The following TBC1D24 variants were observed in gnomAD, a reference collection of about 807,000 sequenced individuals.
TBC1D24 encodes Infantile myoclonic epilepsy.
A neutral mutation model predicts 50.7 loss-of-function variants in TBC1D24; 47 were observed. The ratio of observed to expected loss-of-function variants is 0.93; its 90% CI spans 0.73 to 1.18. TBC1D24 has a LOEUF of 1.18. Ranked by LOEUF, TBC1D24 falls within the 50% of genes most tolerant of loss-of-function variation. TBC1D24 has a pLI of 0.00. For missense variants in TBC1D24, 688 were observed against 766.5 expected (o/e 0.90, Z 1.21); for synonymous variants, 324 against 335.2 (o/e 0.97, Z 0.36).
rs181260264 is a variant in TBC1D24 at position 2,491,117 on chromosome 16, A to T, written c.-115-4917A>T. ...CATCTCAGTTGCCAGTTTAAAGAAA[A>T]CCTCACTCAGTTGTGAATGCAAGAA... On this transcript the variant is annotated intron_variant, in intron 1 of 7. Coordinates refer to ENST00000646147, the MANE Select transcript of TBC1D24 (RefSeq NM_001199107.2). 7.0e-3 allele frequency among the ~76,000 whole-genome samples: 1,064 copies of T among 152,130 alleles called. 8 individuals are homozygous for T. Among genetic ancestry groups the T allele is most frequent in the Non-Finnish European group, 0.011 (734 of 67,990 alleles).
chr16:2,487,859 C>T lies in TBC1D24; in HGVS notation c.-115-8175C>T, dbSNP rs1300532031. 6.6e-6 allele frequency among the ~76,000 whole-genome samples: 1 copy of T among 151,914 alleles called. No individual in the cohort carries two copies. Among genetic ancestry groups the T allele is most frequent in the Non-Finnish European group, 1.5e-5 (1 of 67,990 alleles). On this transcript the variant is annotated intron_variant, in intron 1 of 7. Transcript: ENST00000646147. This position sits in a 1 kb window ranked among gnomAD's most constrained non-coding sequence, Gnocchi z 4.1. The stretch of plus-strand genomic sequence containing the variant: ...GACCTGCGTGGGTCCTGCCTGTGCT[C>T]AGGGACCCTCTGGAGCCTCTCTCGG...
rs1397214564 is a variant in TBC1D24 at position 2,486,054 on chromosome 16, G to A, written c.-115-9980G>A. Among the ~76,000 whole-genome samples, 2 of 152,186 alleles carry A rather than the reference G, an allele frequency of 1.3e-5. No individual in the cohort carries two copies. Among genetic ancestry groups the A allele is most frequent in the Non-Finnish European group, 2.9e-5 (2 of 68,024 alleles). On this transcript the variant is annotated intron_variant, in intron 1 of 7. Coordinates refer to ENST00000646147, the MANE Select transcript of TBC1D24 (RefSeq NM_001199107.2). This position sits in a 1 kb window ranked among gnomAD's most constrained non-coding sequence, Gnocchi z 5.8. ...CTGCCCTCCCCTGCCTGGCGGGTGG[G>A]GTCGGTGCTCAGGAGCGGGTGGGGC... is the stretch of plus-strand genomic sequence containing the variant.
In TBC1D24 at chr16:2,495,214, C is replaced by T. The variant is rs151295674; in HGVS notation, c.-115-820C>T. On this transcript the variant is annotated intron_variant, in intron 1 of 7. Transcript: ENST00000646147. ...CTAAAAAGAGAAAAAATTAGCTGGG[C>T]GTGGTGGCGCCTAACTGTAGTCTCA... Among the ~76,000 whole-genome samples the T allele has an allele frequency of 8.7e-3, 1,326 of 152,070 alleles. 12 individuals carry two copies. The highest frequency in any genetic ancestry group is 0.024 in the African/African-American group (995 of 41,462).
At position 2,501,148 on chromosome 16, in the gene TBC1D24, C is replaced by T. The variant is rs1439146653; in HGVS notation, c.*190C>T. ...ACCTGGGGTTTGGGCTGGGCTTCCC[C>T]AGTCCACCTGCATCTGGGTCAGAGC... On this transcript the variant is annotated 3_prime_UTR_variant, in exon 8 of 8. Coordinates refer to ENST00000646147, the MANE Select transcript of TBC1D24 (RefSeq NM_001199107.2). The T allele has an allele frequency of 2.9e-6, 2 of 692,788 alleles. No homozygotes were observed. Among genetic ancestry groups the T allele is most frequent in the African/African-American group, 3.6e-5 (2 of 55,668 alleles). The allele number at this position is 692,788 out of a possible 1,614,324, so 42.9% of individuals were successfully genotyped here. A position where few individuals can be genotyped will look rare whatever the true frequency, so the allele number is the denominator to read the frequency against.
chr16:2,485,461 G>A lies in TBC1D24; in HGVS notation c.-116+10291G>A, dbSNP rs932199781. On this transcript the variant is annotated intron_variant, in intron 1 of 7. Transcript: ENST00000646147. This position sits in a 1 kb window ranked among gnomAD's most constrained non-coding sequence, Gnocchi z 4.6. ...TCCCTCTCCCGTACCTCACCCTAAA[G>A]GTCTCTTCATCTGTGTCCTTTGTAA... The A allele has an allele frequency of 3.3e-5, 5 of 152,224 alleles. No individual in the cohort carries two copies. Among genetic ancestry groups the A allele is most frequent in the Non-Finnish European group, 7.3e-5 (5 of 68,056 alleles). The allele number at this position is 152,224 out of a possible 1,614,324, so 9.4% of individuals were successfully genotyped here. A position where few individuals can be genotyped will look rare whatever the true frequency, so the allele number is the denominator to read the frequency against.
chr16:2,475,676 G>C lies in TBC1D24; in HGVS notation c.-116+506G>C, dbSNP rs1049415818. Reference sequence around the variant, plus strand: ...CCCGCTTGGGGGTCCGCCAGCCCCCGGCCCTGTCCAGTGGGGGGCCCCTCT... The same window carrying C: ...CCCGCTTGGGGGTCCGCCAGCCCCCCGCCCTGTCCAGTGGGGGGCCCCTCT... On this transcript the variant is annotated intron_variant, in intron 1 of 7. Transcript: ENST00000646147. This position sits in a 1 kb window ranked among gnomAD's most constrained non-coding sequence, Gnocchi z 4.2. Among the ~76,000 whole-genome samples, 7 of 139,812 alleles carry C rather than the reference G, an allele frequency of 5.0e-5. No homozygotes were observed. In the East Asian group the frequency reaches 1.5e-3, roughly 30 times the overall value. The allele number at this position is 139,812 out of a possible 152,430, so 91.7% of individuals were successfully genotyped here.
chr16:2,501,124 CCTGGGGTTTGGGCTGGG>C lies in TBC1D24; in HGVS notation c.*169_*185del, dbSNP rs1347405297. 6.7e-6 allele frequency: 6 copies of C among 900,626 alleles called. No homozygotes were observed. In the Admixed American group the frequency reaches 1.5e-4, roughly 23 times the overall value. 55.8% of individuals were successfully genotyped at this position (900,626 alleles called of 1,614,324 possible). On this transcript the variant is annotated 3_prime_UTR_variant, in exon 8 of 8. Transcript: ENST00000646147. ...TTGCCTGGACCTGCTGCTGCCTCTA[CCTGGGGTTTGGGCTGGG>C]CTTCCCCAGTCCACCTGCATCTGGG...
At chr16:2,489,120 G>C (rs1369891659) in intron 1 of TBC1D24, among the ~76,000 whole-genome samples, 1 of 149,334 alleles carries the variant, frequency 6.7e-6, no homozygotes, top group East Asian at 2.0e-4. Context: ...CAGGAACAGA[G>C]TGAGACCCTG....
In TBC1D24 at chr16:2,483,918, G is replaced by A. The variant is rs78796662; in HGVS notation, c.-116+8748G>A. The A allele has an allele frequency of 0.02, 3,055 of 152,444 alleles. 52 individuals are homozygous for A. Among genetic ancestry groups the A allele is most frequent in the Non-Finnish European group, 0.03 (2,052 of 68,124 alleles). 9.4% of individuals were successfully genotyped at this position (152,444 alleles called of 1,614,324 possible). A position where few individuals can be genotyped will look rare whatever the true frequency, so the allele number is the denominator to read the frequency against. ...GGGAAGACCAGCGGCTGTGCTCACC[G>A]TGGTTAGTGACACTGTCACCATCCA... On this transcript the variant is annotated intron_variant, in intron 1 of 7. Coordinates refer to ENST00000646147, the MANE Select transcript of TBC1D24 (RefSeq NM_001199107.2). The surrounding 1 kb of genome is among the most constrained non-coding windows in gnomAD (Gnocchi z 4.0).
chr16:2,493,265 A>C (rs2065711135), intron 1 of TBC1D24, among the ~76,000 whole-genome samples: 1 of 151,580 alleles, frequency 6.6e-6, no homozygotes, highest in Non-Finnish European at 1.5e-5. Flanking sequence ...CAGCCTCCCG[A>C]GTAGCTGGTA....
chr16:2,480,734 C>T (rs1413543855), intron 1 of TBC1D24: 1 of 152,272 alleles, frequency 6.6e-6, no homozygotes, highest in African/African-American at 2.4e-5. Context: ...GTCCTTCTAG[C>T]CTTGCTACCT....
chr16:2,500,581 G>C lies in TBC1D24; in HGVS notation c.1525+91G>C. 7.1e-7 allele frequency: 1 copy of C among 1,409,656 alleles called. No individual in the cohort carries two copies. Among genetic ancestry groups the C allele is most frequent in the South Asian group, 1.3e-5 (1 of 76,500 alleles). The allele number at this position is 1,409,656 out of a possible 1,614,324, so 87.3% of individuals were successfully genotyped here. A position where few individuals can be genotyped will look rare whatever the true frequency, so the allele number is the denominator to read the frequency against. On this transcript the variant is annotated intron_variant, in intron 7 of 7. Transcript: ENST00000646147. The surrounding 1 kb of genome is among the most constrained non-coding windows in gnomAD (Gnocchi z 8.0). ...CCAGCCCTCCCTGACCGGGGTGGCA[G>C]AGAAGAGGCCCTGGGTGTCAGGGTG...
chr16:2,498,256 C>T lies in TBC1D24; in HGVS notation c.1002C>T (p.Ala334=), dbSNP rs184389316. The T allele has an allele frequency of 2.4e-3, 3,791 of 1,610,478 alleles. 8 individuals carry two copies. Among genetic ancestry groups the T allele is most frequent in the Non-Finnish European group, 2.9e-3 (3,462 of 1,178,348 alleles). The change falls in exon 4 of 8, where the codon GCC becomes GCT. Residue 334 remains alanine, a synonymous_variant. Transcript: ENST00000646147. ...CCCTCAGGCAGTTTGTACACTTGGC[C>T]GTCCATGCAGAGAACTTCCGCTCGG... The part of the protein sequence containing the change: ...SLSKRQFVHL[A]VHAENFRSEI...
In TBC1D24 at chr16:2,486,347, T is replaced by C. The variant is rs956925808; in HGVS notation, c.-115-9687T>C. On this transcript the variant is annotated intron_variant, in intron 1 of 7. Transcript: ENST00000646147. The surrounding 1 kb of genome is among the most constrained non-coding windows in gnomAD (Gnocchi z 5.8). ...CATTCCCGGTCCCACTCCCAGGAAA[T>C]GGTGAGGGATTGCTCAGACCAGATG... 2.6e-5 allele frequency among the ~76,000 whole-genome samples: 4 copies of C among 152,130 alleles called. No individual in the cohort carries two copies. The highest frequency in any genetic ancestry group is 9.7e-5 in the African/African-American group (4 of 41,412).
intron 1 of TBC1D24, among the ~76,000 whole-genome samples, chr16:2,492,896 C>T (rs2065707091): frequency 6.6e-6 from 1 of 151,868 alleles, no homozygotes. Context: ...AGTTCGAGAC[C>T]AGCCTGACCA....
rs1046311621 is a variant in TBC1D24, at chr16:2,502,302, C to T, written c.*1344C>T. 17 of 152,394 alleles carry T rather than the reference C, an allele frequency of 1.1e-4. No individual in the cohort carries two copies. The highest frequency in any genetic ancestry group is 3.9e-4 in the African/African-American group (16 of 41,484). 9.4% of individuals were successfully genotyped at this position (152,394 alleles called of 1,614,324 possible). A position where few individuals can be genotyped will look rare whatever the true frequency, so the allele number is the denominator to read the frequency against. On this transcript the variant is annotated 3_prime_UTR_variant, in exon 8 of 8. Transcript: ENST00000646147. ...TGCCCCATGACCTCCTTCAACTCGT[C>T]TTGAGGGTCTGGTCACCACGGAGGG...
Position 2,496,327 on chromosome 16 carries a change from G to A in TBC1D24, c.179G>A (p.Arg60Gln), listed in dbSNP as rs200226466. The change falls in exon 2 of 8, where the codon CGG becomes CAG. Residue 60 changes from arginine (R) to glutamine (Q), a missense_variant. Physicochemically the swap from Arg to Gln is conservative, Grantham distance 43. Transcript: ENST00000646147. ...LRGKVYQRLI[R>Q]DIPCRTVTPD... ...GGAAAGGTGTACCAGCGCCTGATCC[G>A]GGACATTCCCTGCCGCACGGTCACG... 2.2e-4 allele frequency: 361 copies of A among 1,613,610 alleles called. No homozygotes were observed. The highest frequency in any genetic ancestry group is 2.8e-4 in the Non-Finnish European group (331 of 1,180,028).
rs530787143 is a variant in TBC1D24 at position 2,475,768 on chromosome 16, C to T, written c.-116+598C>T. On this transcript the variant is annotated intron_variant, in intron 1 of 7. Coordinates refer to ENST00000646147, the MANE Select transcript of TBC1D24 (RefSeq NM_001199107.2). This position sits in a 1 kb window ranked among gnomAD's most constrained non-coding sequence, Gnocchi z 4.2. ...GAGGTGGAAGCCAGGGACTCCCAGC[C>T]CTGAGCCAGCACAGCGGAGGGGAGA... Among the ~76,000 whole-genome samples the T allele has an allele frequency of 3.9e-5, 6 of 152,262 alleles. No homozygotes were observed. In the South Asian group the frequency reaches 1.0e-3, roughly 26 times the overall value.
intron 1 of TBC1D24, chr16:2,478,919 C>T (rs2065589732): frequency 6.6e-6 from 1 of 151,000 alleles, no homozygotes; most frequent in Non-Finnish European, 1.5e-5. Flanking sequence ...GGTCTCATTC[C>T]CACTGCCGAG....
Sources: allele counts gnomAD v4.1 joint callset (sites outside exome capture counted in the v4.1 genomes callset), GRCh38; gene constraint gnomAD v4.1.1; non-coding constraint Gnocchi (gnomAD v3.1); transcripts MANE v1.5; gene names NCBI Gene and HGNC (gene_info 2026-07-23, HGNC 2026-07-21).